Variants in PNLIPRP1 observed in about 807,000 individuals in gnomAD.
PNLIPRP1 encodes pancreatic lipase related protein 1.
A neutral mutation model predicts 54.6 loss-of-function variants in PNLIPRP1; 57 were observed. That is an observed-to-expected ratio of 1.04 (90% CI 0.84 to 1.30). The LOEUF is 1.30. Ranked by LOEUF, PNLIPRP1 falls within the 50% of genes most tolerant of loss-of-function variation. The pLI, the probability that PNLIPRP1 is intolerant of heterozygous loss-of-function variation, is 0.00. For missense variants in PNLIPRP1, 567 were observed against 568.5 expected (o/e 1.00, Z 0.03); for synonymous variants, 232 against 208.8 (o/e 1.11, Z -0.96).
chr10:116,591,045 G>A (rs1228943856), intron 1 of PNLIPRP1, 50 bp downstream of exon 1: 1 of 1,031,208 alleles, frequency 9.7e-7, no homozygotes. Context: ...TACAGGTGAG[G>A]TAAACAGTAC....
chr10:116,594,804 G>A lies in PNLIPRP1; in HGVS notation c.405G>A (p.Gln135=), dbSNP rs782074621. Residue 135 remains glutamine, a synonymous_variant, in exon 5 of 13, where the codon CAG becomes CAA. Transcript: ENST00000358834. ...WKKGSQATYT[Q]AANNVRVVGA... ...AGGGCTCCCAAGCCACCTACACACA[G>A]GCTGCCAACAACGTGCGAGTGGTGG... 6.2e-7 allele frequency: 1 copy of A among 1,614,140 alleles called. No individual in the cohort carries two copies. Among genetic ancestry groups the A allele is most frequent in the Non-Finnish European group, 8.5e-7 (1 of 1,180,046 alleles).
chr10:116,600,096 C>T lies in PNLIPRP1; in HGVS notation c.864C>T (p.Tyr288=), dbSNP rs1370505917. The change falls in exon 9 of 13, where the codon TAC becomes TAT. Residue 288 remains tyrosine (Y), a synonymous_variant. Transcript: ENST00000358834. ...ATCACCTAAGAAGCTACAAGTATTACTTGGAAAGCATCCTCAATCCCGATG... is the reference window on the plus strand; with the variant it reads ...ATCACCTAAGAAGCTACAAGTATTATTTGGAAAGCATCCTCAATCCCGATG... The part of the protein sequence containing the change: ...ACNHLRSYKY[Y]LESILNPDGF... 6.2e-7 allele frequency: 1 copy of T among 1,614,086 alleles called. No individual in the cohort carries two copies. Among genetic ancestry groups the T allele is most frequent in the Non-Finnish European group, 8.5e-7 (1 of 1,179,956 alleles).
chr10:116,604,798 C>T (rs1296421664), intron 11 of PNLIPRP1, among the ~76,000 whole-genome samples: 3 of 148,678 alleles, frequency 2.0e-5, no homozygotes, highest in African/African-American at 7.4e-5. Flanking sequence ...AAGAAATTCT[C>T]GTGCCTCAGC....
intron 10 of PNLIPRP1, among the ~76,000 whole-genome samples, chr10:116,602,055 G>A (rs548690146): frequency 1.2e-4 from 17 of 143,272 alleles, no homozygotes; most frequent in Admixed American, 3.6e-4. Context: ...TCGCTGTGTC[G>A]CCCAGGCTGG....
intron 5 of PNLIPRP1, chr10:116,595,461 A>G (rs79166686): frequency 0.016 from 2,415 of 153,502 alleles, 24 homozygotes; most frequent in Non-Finnish European, 0.025. Context: ...CCAGGTAATG[A>G]CTACAGCCAT....
intron 4 of PNLIPRP1, chr10:116,593,741 C>T (rs2915766): frequency 0.52 from 78,981 of 151,926 alleles, 20,918 homozygotes; most frequent in Admixed American, 0.56. Flanking sequence ...GTGGATCACC[C>T]GAGGTCAGGA....
In PNLIPRP1 at chr10:116,594,072, T is replaced by C. The variant is rs186836921; in HGVS notation, c.331-658T>C. 5.7e-3 allele frequency among the ~76,000 whole-genome samples: 863 copies of C among 152,302 alleles called. 6 individuals are homozygous for C. The highest frequency in any genetic ancestry group is 9.0e-3 in the Non-Finnish European group (609 of 68,030). ...TATTAGTATACTATATGTGGAATGATTCCAAGTGCATTTTAAATTTATAGT... is the reference window on the plus strand; with the variant it reads ...TATTAGTATACTATATGTGGAATGACTCCAAGTGCATTTTAAATTTATAGT... On this transcript the variant is annotated intron_variant, in intron 4 of 12. Coordinates refer to ENST00000358834, the MANE Select transcript of PNLIPRP1 (RefSeq NM_006229.4).
chr10:116,594,753 G>T lies in PNLIPRP1; in HGVS notation c.354G>T (p.Val118=), dbSNP rs528545712. Reference sequence around the variant, plus strand: ...AGAAACTGTTCGAGGTGGAGGAGGTGAACTGCATCTGCGTGGACTGGAAGA... The same window carrying T: ...AGAAACTGTTCGAGGTGGAGGAGGTTAACTGCATCTGCGTGGACTGGAAGA... The part of the protein sequence containing the change: ...MCKKLFEVEE[V]NCICVDWKKG... Residue 118 remains valine, a synonymous_variant, in exon 5 of 13, where the codon GTG becomes GTT. Coordinates refer to ENST00000358834, the MANE Select transcript of PNLIPRP1 (RefSeq NM_006229.4). The T allele has an allele frequency of 1.1e-4, 176 of 1,614,156 alleles. 3 individuals carry two copies. In the South Asian group the frequency reaches 1.9e-3, roughly 17 times the overall value.
chr10:116,607,667 G>T (rs896526855), intron 12 of PNLIPRP1, among the ~76,000 whole-genome samples: 3 of 152,138 alleles, frequency 2.0e-5, no homozygotes, highest in Admixed American at 6.5e-5. Context: ...GTGGGAAGGG[G>T]CCAAGGAACA....
rs567295917 is a variant in PNLIPRP1, at chr10:116,592,537, G to A, written c.326G>A (p.Cys109Tyr). The A allele has an allele frequency of 6.2e-7, 1 of 1,614,138 alleles. No homozygotes were observed. Among genetic ancestry groups the A allele is most frequent in the East Asian group, 2.2e-5 (1 of 44,880 alleles). ...KGDESWVTDMCKKLFEVEEVN... is the reference protein window; with the variant it reads ...KGDESWVTDMYKKLFEVEEVN... Reference sequence around the variant, plus strand: ...GATGAGAGCTGGGTGACAGACATGTGCAAGGTAGGAGCCAGCTCTGATCCC... The same window carrying A: ...GATGAGAGCTGGGTGACAGACATGTACAAGGTAGGAGCCAGCTCTGATCCC... Residue 109 changes from cysteine (C) to tyrosine (Y), a missense_variant, in exon 4 of 13, where the codon TGC (cysteine) becomes TAC (tyrosine). Cys to Tyr is a radical substitution (Grantham distance 194, BLOSUM62 -2). Coordinates refer to ENST00000358834, the MANE Select transcript of PNLIPRP1 (RefSeq NM_006229.4).
intron 6 of PNLIPRP1, 95 bp downstream of exon 6, chr10:116,596,417 A>T: frequency 1.4e-6 from 1 of 740,526 alleles, no homozygotes; most frequent in Non-Finnish European, 2.4e-6. Context: ...CCTGAAGGAG[A>T]CTGTCCCCCT....
At chr10:116,592,917 C>T in intron 4 of PNLIPRP1, 1 of 354,450 alleles carries the variant, frequency 2.8e-6, no homozygotes, top group South Asian at 2.2e-5. Flanking sequence ...TAATTGATCC[C>T]AGCACTTTGG....
chr10:116,598,224 C>CCTT, intron 8 of PNLIPRP1, 58 bp downstream of exon 8: 1 of 1,461,256 alleles, frequency 6.8e-7, no homozygotes, highest in Non-Finnish European at 9.2e-7. Flanking sequence ...GTGACCAATA[C>CCTT]CTTTCTGCAG....
intron 11 of PNLIPRP1, among the ~76,000 whole-genome samples, chr10:116,605,048 C>T (rs1422443110): frequency 6.6e-6 from 1 of 152,128 alleles, no homozygotes; most frequent in Admixed American, 6.6e-5. Flanking sequence ...TTCAGATATG[C>T]TGTTTTCTGA....
At chr10:116,596,130 A>G in intron 5 of PNLIPRP1, 84 bp from the exon 6 acceptor site, 1 of 897,762 alleles carries the variant, frequency 1.1e-6, no homozygotes, top group Non-Finnish European at 1.8e-6. Context: ...GAAGGTTTTC[A>G]GCAGAGGAGT....
chr10:116,594,737 T>C lies in PNLIPRP1; in HGVS notation c.338T>C (p.Phe113Ser), dbSNP rs1554863700. 2 of 1,614,106 alleles carry C rather than the reference T, an allele frequency of 1.2e-6. No individual in the cohort carries two copies. Among genetic ancestry groups the C allele is most frequent in the Non-Finnish European group, 1.7e-6 (2 of 1,180,002 alleles). ...SWVTDMCKKL[F>S]EVEEVNCICV... is the part of the protein sequence containing the mutation. ...CTATCTCCCCAACACCAGAAACTGTTCGAGGTGGAGGAGGTGAACTGCATC... is the reference window on the plus strand; with the variant it reads ...CTATCTCCCCAACACCAGAAACTGTCCGAGGTGGAGGAGGTGAACTGCATC... The change falls in exon 5 of 13, where the codon TTC becomes TCC. Residue 113 changes from phenylalanine (F) to serine (S), a missense_variant. Coordinates refer to ENST00000358834, the MANE Select transcript of PNLIPRP1 (RefSeq NM_006229.4).
In PNLIPRP1 at chr10:116,601,204, A is replaced by G. The variant is rs1447594183; in HGVS notation, c.1063+3A>G. On this transcript the variant is annotated splice_donor_region_variant and intron_variant, in intron 10 of 12. Coordinates refer to ENST00000358834, the MANE Select transcript of PNLIPRP1 (RefSeq NM_006229.4). ...AGGAGAGGCTAGCAATTTCGCTCGT[A>G]AGTTGCACTTTGACTACCTGCCCAT... 17 of 1,611,712 alleles carry G rather than the reference A, an allele frequency of 1.1e-5. No individual in the cohort carries two copies. Among genetic ancestry groups the G allele is most frequent in the African/African-American group, 2.7e-5 (2 of 74,820 alleles).
Position 116,607,707 on chromosome 10 carries a change from G to A in PNLIPRP1, c.1341-1346G>A, listed in dbSNP as rs544771288. ...TGAGGAAATGGGGCAAAGCTTCCGAGCTCACAGGTGGTGAGGCCTGAGAGA... is the reference window on the plus strand; with the variant it reads ...TGAGGAAATGGGGCAAAGCTTCCGAACTCACAGGTGGTGAGGCCTGAGAGA... On this transcript the variant is annotated intron_variant, in intron 12 of 12. Coordinates refer to ENST00000358834, the MANE Select transcript of PNLIPRP1 (RefSeq NM_006229.4). Among the ~76,000 whole-genome samples the A allele has an allele frequency of 6.8e-4, 104 of 152,318 alleles. No homozygotes were observed. The Middle Eastern group carries it at 0.044, about 65-fold the overall frequency.
chr10:116,595,226 G>A (rs782533540), intron 5 of PNLIPRP1: 28 of 253,852 alleles, frequency 1.1e-4, no homozygotes, highest in Non-Finnish European at 1.7e-4. Flanking sequence ...GCTCTGTTTC[G>A]CGTGAAACAC....
Sources: allele counts gnomAD v4.1 joint callset (sites outside exome capture counted in the v4.1 genomes callset), GRCh38; gene constraint gnomAD v4.1.1; transcripts MANE v1.5; gene names NCBI Gene and HGNC (gene_info 2026-07-23, HGNC 2026-07-21).